The following PLD2 variants were observed in gnomAD, a reference collection of about 807,000 sequenced individuals.
PLD2 encodes the protein choline phosphatase 2.
PLD2 carries 101 observed loss-of-function variants against 119.8 expected under a neutral mutation model. The observed-to-expected ratio is 0.84, with a 90% CI of 0.72 to 0.99. The LOEUF is 0.99. Among genes scored for constraint, PLD2 ranks in the 50% least tolerant of loss-of-function variants. PLD2 has a pLI of 0.00. For synonymous variants in PLD2, 494 were observed against 482.8 expected (o/e 1.02, Z -0.30); for missense variants, 1,164 against 1,226.8 (o/e 0.95, Z 0.76).
chr17:4,816,510 A>T (rs1421950808), intron 14 of PLD2, 110 bp from the exon 15 acceptor site: 11 of 1,171,796 alleles, frequency 9.4e-6, no homozygotes, highest in Non-Finnish European at 1.4e-5. Flanking sequence ...CCTCTGTTTC[A>T]TTCTTCCTCT....
intron 12 of PLD2, 120 bp downstream of exon 12, chr17:4,814,831 T>C (rs1222880684): frequency 3.5e-6 from 3 of 862,576 alleles, no homozygotes; most frequent in Non-Finnish European, 5.7e-6. Flanking sequence ...AAAGTGTCCA[T>C]CCTGGCCCAG....
Position 4,815,842 on chromosome 17 carries a change from C to T in PLD2, c.1363C>T (p.Leu455=), listed in dbSNP as rs1406853453. ...GGTGGTGGACCAAGTGGTAGCATTCCTGGGGGGACTGGACCTTGCCTATGG... is the reference window on the plus strand; with the variant it reads ...GGTGGTGGACCAAGTGGTAGCATTCTTGGGGGGACTGGACCTTGCCTATGG... ...LLVVDQVVAF[L]GGLDLAYGRW... Residue 455 remains leucine, a synonymous_variant, in exon 14 of 25, where the codon CTG becomes TTG. Coordinates refer to ENST00000263088, the MANE Select transcript of PLD2 (RefSeq NM_002663.5). The T allele has an allele frequency of 1.9e-6, 3 of 1,614,104 alleles. No individual in the cohort carries two copies. In the Admixed American group the frequency reaches 5.0e-5, roughly 27 times the overall value.
intron 17 of PLD2, 164 bp from the exon 18 acceptor site, chr17:4,817,838 G>T (rs1907182690): frequency 3.7e-6 from 2 of 542,240 alleles, no homozygotes; most frequent in Non-Finnish European, 3.3e-6. Context: ...CGTACCTGTA[G>T]TCCCAGCTAC....
chr17:4,819,158 T>C lies in PLD2; in HGVS notation c.2248T>C (p.Ser750Pro). 6.2e-7 allele frequency: 1 copy of C among 1,614,102 alleles called. No individual in the cohort carries two copies. Among genetic ancestry groups the C allele is most frequent in the South Asian group, 1.1e-5 (1 of 91,078 alleles). ...CGGAGAGCTGGGCGGGCACCCCGTC[T>C]CGGAGCTCATCTACATCCACAGCAA... ...THGELGGHPV[S>P]ELIYIHSKVL... Residue 750 changes from serine to proline, a missense_variant, in exon 22 of 25, where the codon TCG becomes CCG. Ser to Pro is a moderately conservative substitution (Grantham distance 74). Transcript: ENST00000263088. This position sits in a 1 kb window ranked among gnomAD's most constrained non-coding sequence, Gnocchi z 4.2.
In PLD2 at chr17:4,816,653, C is replaced by G; in HGVS notation, c.1489C>G (p.Pro497Ala). ...PTPRPDSPATPDLSHNQFFWL... is the reference protein window; with the variant it reads ...PTPRPDSPATADLSHNQFFWL... ...CCCGCGCCCAGACTCACCAGCCACC[C>G]CAGACCTCTCTCACAACCAATTCTT... is the stretch of plus-strand genomic sequence containing the variant. Residue 497 changes from proline (P) to alanine (A), a missense_variant, in exon 15 of 25, where the codon CCA becomes GCA. Physicochemically the swap from Pro to Ala is conservative, Grantham distance 27 (BLOSUM62 -1). Transcript: ENST00000263088. The G allele has an allele frequency of 6.2e-7, 1 of 1,614,102 alleles. No homozygotes were observed. The highest frequency in any genetic ancestry group is 8.5e-7 in the Non-Finnish European group (1 of 1,179,992).
In PLD2 at chr17:4,808,466, C is replaced by T. The variant is rs1279639818; in HGVS notation, c.383+50C>T. The T allele has an allele frequency of 6.3e-7, 1 of 1,583,822 alleles. No homozygotes were observed. Among genetic ancestry groups the T allele is most frequent in the Non-Finnish European group, 8.6e-7 (1 of 1,159,926 alleles). ...GTAGAGGGCAGGTGCTCCCCACCCT[C>T]CTTTCTGTCTGTCTCACCCCGGGGC... is the stretch of plus-strand genomic sequence containing the variant. On this transcript the variant is annotated intron_variant, in intron 4 of 24. Coordinates refer to ENST00000263088, the MANE Select transcript of PLD2 (RefSeq NM_002663.5). The surrounding 1 kb of genome is among the most constrained non-coding windows in gnomAD (Gnocchi z 4.1).
intron 4 of PLD2, 26 bp from the exon 5 acceptor site, chr17:4,809,074 C>G: frequency 1.9e-6 from 3 of 1,574,502 alleles, no homozygotes; most frequent in Non-Finnish European, 2.6e-6. Flanking sequence ...CAGCTCTTAC[C>G]TGACCTTCAT....
chr17:4,818,860 C>G (rs750491412), intron 21 of PLD2, 37 bp downstream of exon 21: 1 of 1,606,172 alleles, frequency 6.2e-7, no homozygotes, highest in Admixed American at 1.7e-5. Context: ...GCCCTGGGCC[C>G]CTGGGAGAGG....
chr17:4,811,218 C>T (rs936775757), intron 10 of PLD2, among the ~76,000 whole-genome samples: 11 of 151,994 alleles, frequency 7.2e-5, no homozygotes, highest in Admixed American at 2.6e-4. Context: ...CCCCTCTCTA[C>T]AATACTGACC....
chr17:4,817,039 G>A lies in PLD2; in HGVS notation c.1685G>A (p.Arg562His), dbSNP rs189140524. 1.5e-5 allele frequency: 24 copies of A among 1,613,562 alleles called. No homozygotes were observed. The highest frequency in any genetic ancestry group is 1.6e-4 in the Middle Eastern group (1 of 6,082). The change falls in exon 16 of 25, where the codon CGC becomes CAC. Residue 562 changes from arginine (R) to histidine (H), a missense_variant. Transcript: ENST00000263088. The part of the protein sequence containing the change: ...ARDLARHFIQ[R>H]WNFTKTTKAK... The stretch of plus-strand genomic sequence containing the variant: ...GACCTTGCCCGGCACTTCATCCAGC[G>A]CTGGAACTTCACCAAGGTGTTCATT...
In PLD2 at chr17:4,810,826, C is replaced by T. The variant is rs1242365205; in HGVS notation, c.885C>T (p.Ser295=). The T allele has an allele frequency of 3.4e-5, 55 of 1,613,040 alleles. No homozygotes were observed. Among genetic ancestry groups the T allele is most frequent in the Non-Finnish European group, 4.6e-5 (54 of 1,179,560 alleles). Residue 295 remains serine, a synonymous_variant, in exon 10 of 25, where the codon AGC becomes AGT. Coordinates refer to ENST00000263088, the MANE Select transcript of PLD2 (RefSeq NM_002663.5). ...GGTCCTTGATTCTCAAGTGCAGCAG[C>T]TACCGGCAGGCACGGTGGTGGGCCC... ...SHRSLILKCS[S]YRQARWWAQE...
intron 9 of PLD2, among the ~76,000 whole-genome samples, chr17:4,810,501 C>T (rs1021265849): frequency 5.9e-5 from 9 of 152,142 alleles, no homozygotes; most frequent in African/African-American, 1.4e-4. Context: ...AAAAATTAGC[C>T]GGGCGTGGTG....
At chr17:4,813,971 G>A (rs1409875068) in intron 10 of PLD2, among the ~76,000 whole-genome samples, 1 of 152,176 alleles carries the variant, frequency 6.6e-6, no homozygotes, top group African/African-American at 2.4e-5. Flanking sequence ...GATATTGAAT[G>A]TTACCAGTGA....
chr17:4,820,965 C>G (rs189369651), intron 23 of PLD2, among the ~76,000 whole-genome samples: 2,011 of 150,162 alleles, frequency 0.013, 43 homozygotes, highest in African/African-American at 0.046. Flanking sequence ...TGCAGTGGCG[C>G]GATCTCGGCT....
At chr17:4,822,211 T>C (rs1007114754) in intron 24 of PLD2, among the ~76,000 whole-genome samples, 1 of 151,652 alleles carries the variant, frequency 6.6e-6, no homozygotes, top group African/African-American at 2.4e-5. Context: ...TAGGTGTGGC[T>C]GGGAGGCTGA....
chr17:4,817,232 TC>T lies in PLD2; in HGVS notation c.1790del (p.Pro597GlnfsTer58), dbSNP rs778468393. ...CGGCCAATCAGCTCCCCTTCACACT[TC>T]CAGGAGGGCAGTGCACCACCGTACA... ...STANQLPFTL[P>X]GGQCTTVQVL... On this transcript the variant is annotated frameshift_variant, in exon 17 of 25. Coordinates refer to ENST00000263088, the MANE Select transcript of PLD2 (RefSeq NM_002663.5). LOFTEE classifies it high-confidence loss of function. The T allele has an allele frequency of 1.9e-6, 3 of 1,612,844 alleles. No individual in the cohort carries two copies. Among genetic ancestry groups the T allele is most frequent in the Admixed American group, 3.3e-5 (2 of 59,994 alleles).
chr17:4,822,564 G>A lies in PLD2; in HGVS notation c.2578-76G>A, dbSNP rs1473735424. 30 of 950,190 alleles carry A rather than the reference G, an allele frequency of 3.2e-5. 1 individual carries two copies. The highest frequency in any genetic ancestry group is 4.4e-5 in the Non-Finnish European group (27 of 618,770). The allele number at this position is 950,190 out of a possible 1,614,324, so 58.9% of individuals were successfully genotyped here. ...GTATGGAGAGATGGTATGGGGGAAGGGGTCTAGCCTAGTTGGACTTAGATT... is the reference window on the plus strand; with the variant it reads ...GTATGGAGAGATGGTATGGGGGAAGAGGTCTAGCCTAGTTGGACTTAGATT... On this transcript the variant is annotated intron_variant, in intron 24 of 24. Transcript: ENST00000263088.
chr17:4,822,927 C>A lies in PLD2; in HGVS notation c.*63C>A, dbSNP rs1907833159. ...GCCCCACCACGTCTGGCTCCCTGCCCCTTAACCCCAAGGACTGAGGGCAGT... is the reference window on the plus strand; with the variant it reads ...GCCCCACCACGTCTGGCTCCCTGCCACTTAACCCCAAGGACTGAGGGCAGT... On this transcript the variant is annotated 3_prime_UTR_variant, in exon 25 of 25. Coordinates refer to ENST00000263088, the MANE Select transcript of PLD2 (RefSeq NM_002663.5). The A allele has an allele frequency of 1.1e-6, 1 of 915,686 alleles. No individual in the cohort carries two copies. 56.7% of individuals were successfully genotyped at this position (915,686 alleles called of 1,614,324 possible). A position where few individuals can be genotyped will look rare whatever the true frequency, so the allele number is the denominator to read the frequency against.
At chr17:4,811,976 G>A (rs762663610) in intron 10 of PLD2, among the ~76,000 whole-genome samples, 27 of 142,024 alleles carry the variant, frequency 1.9e-4, no homozygotes, top group East Asian at 1.3e-3. Context: ...CACCACACCC[G>A]GCTAATTAAA....
Sources: allele counts gnomAD v4.1 joint callset (sites outside exome capture counted in the v4.1 genomes callset), GRCh38; gene constraint gnomAD v4.1.1; non-coding constraint Gnocchi (gnomAD v3.1); transcripts MANE v1.5; gene names NCBI Gene and HGNC (gene_info 2026-07-23, HGNC 2026-07-21).